The following PHEX variants were observed in gnomAD, a reference collection of about 807,000 sequenced individuals.
PHEX encodes phosphate-regulating neutral endopeptidase PHEX.
PHEX carries 16 observed loss-of-function variants against 68.0 expected under a neutral mutation model. The ratio of observed to expected loss-of-function variants is 0.24; its 90% CI spans 0.16 to 0.36. PHEX has a LOEUF of 0.36. Ranked by LOEUF, PHEX falls within the 10% of genes least tolerant of loss-of-function variation. The pLI is 1.00. For missense variants in PHEX, 480 were observed against 575.5 expected (o/e 0.83, Z 1.70); for synonymous variants, 208 against 205.1 (o/e 1.01, Z -0.12).
intron 3 of PHEX, among the ~76,000 whole-genome samples, chrX:22,057,606 A>G (rs1485511090): frequency 9.1e-6 from 1 of 110,215 alleles, no homozygotes; most frequent in Non-Finnish European, 1.9e-5. Flanking sequence ...AAAAAAAAAG[A>G]AAGTCCCCTA....
intron 6 of PHEX, among the ~76,000 whole-genome samples, chrX:22,093,751 G>C (rs1359677038): frequency 1.8e-5 from 2 of 111,953 alleles, no homozygotes; most frequent in African/African-American, 6.5e-5. Flanking sequence ...TTGCTTGATG[G>C]CTGGACATCT....
At chrX:22,041,209 G>A (rs1927257253) in intron 2 of PHEX, among the ~76,000 whole-genome samples, 1 of 100,751 alleles carries the variant, frequency 9.9e-6, no homozygotes, top group Non-Finnish European at 2.0e-5. Flanking sequence ...AATTATGTTA[G>A]TAGAGTTCTT....
chrX:22,142,526 G>A (rs1932513821), intron 12 of PHEX, among the ~76,000 whole-genome samples: 2 of 111,659 alleles, frequency 1.8e-5, no homozygotes, highest in Non-Finnish European at 3.8e-5. Flanking sequence ...TTGTTTTTTA[G>A]TTTTATTATT....
At chrX:22,182,255 C>T (rs150197489) in intron 14 of PHEX, among the ~76,000 whole-genome samples, 401 of 111,298 alleles carry the variant, frequency 3.6e-3, no homozygotes, top group Non-Finnish European at 5.6e-3. Context: ...CTTCTATATC[C>T]GGTTTTTCGA....
chrX:22,099,158 A>G lies in PHEX; in HGVS notation c.1079+7A>G, dbSNP rs759634976. On this transcript the variant is annotated splice_region_variant and intron_variant, in intron 9 of 21. Transcript: ENST00000379374. ...TAGGGTCTGAGAGAAAGAAGTAAGAACTTTCACATGAATTTTACTGTGACT... is the reference window on the plus strand; with the variant it reads ...TAGGGTCTGAGAGAAAGAAGTAAGAGCTTTCACATGAATTTTACTGTGACT... The G allele has an allele frequency of 8.3e-7, 1 of 1,198,168 alleles. No individual in the cohort carries two copies. Among genetic ancestry groups the G allele is most frequent in the Non-Finnish European group, 1.1e-6 (1 of 883,134 alleles).
At chrX:22,235,850 C>CTGTT (rs1935957749) in intron 20 of PHEX, among the ~76,000 whole-genome samples, 1 of 110,892 alleles carries the variant, frequency 9.0e-6, no homozygotes, top group South Asian at 3.8e-4. Context: ...TTTTTAACCA[C>CTGTT]TGTTATACAT....
At chrX:22,144,365 C>T (rs1932589874) in intron 12 of PHEX, among the ~76,000 whole-genome samples, 1 of 111,437 alleles carries the variant, frequency 9.0e-6, no homozygotes, top group African/African-American at 3.3e-5. Context: ...TTTTATTAAA[C>T]TTTGCCTCTA....
intron 20 of PHEX, among the ~76,000 whole-genome samples, chrX:22,242,768 A>G (rs938419369): frequency 1.8e-5 from 2 of 111,735 alleles, no homozygotes; most frequent in South Asian, 7.5e-4. Flanking sequence ...ACTGCTCAAC[A>G]AAATAAAAAG....
At chrX:22,229,590 T>TG (rs1231222206) in intron 20 of PHEX, among the ~76,000 whole-genome samples, 1 of 112,504 alleles carries the variant, frequency 8.9e-6, no homozygotes, top group Admixed American at 9.3e-5. Context: ...TTGATGAGGT[T>TG]GTTTTTTTCT....
chrX:22,235,590 C>A (rs1471870128), intron 20 of PHEX, among the ~76,000 whole-genome samples: 1 of 111,181 alleles, frequency 9.0e-6, no homozygotes, highest in African/African-American at 3.3e-5. Flanking sequence ...GGGTACTAAT[C>A]CCATTCCTGA....
chrX:22,138,996 A>C (rs1013759755), intron 12 of PHEX, among the ~76,000 whole-genome samples: 2 of 111,817 alleles, frequency 1.8e-5, no homozygotes, highest in African/African-American at 3.3e-5. Context: ...TGGCCTCAAC[A>C]GGAAGTATGG....
intron 15 of PHEX, among the ~76,000 whole-genome samples, chrX:22,211,538 T>G (rs1331815149): frequency 8.9e-6 from 1 of 112,556 alleles, no homozygotes; most frequent in Non-Finnish European, 1.9e-5. Context: ...TGTGCGTATG[T>G]ATTTTGTTCT....
intron 9 of PHEX, among the ~76,000 whole-genome samples, chrX:22,106,792 A>C (rs1253331523): frequency 1.9e-5 from 2 of 108,016 alleles, no homozygotes; most frequent in African/African-American, 6.9e-5. Context: ...AAAAAAAAAA[A>C]AAAACCAAAT....
chrX:22,045,136 G>C lies in PHEX; in HGVS notation c.188-1914G>C, dbSNP rs184328375. Among the ~76,000 whole-genome samples the C allele has an allele frequency of 7.2e-5, 8 of 110,955 alleles. No individual in the cohort carries two copies. In the East Asian group the frequency reaches 2.2e-3, roughly 31 times the overall value. On this transcript the variant is annotated intron_variant, in intron 2 of 21. Transcript: ENST00000379374. ...TTATTCACTTCATTGAAGACAAAAGGCTGTTTGAAATTTTTGTAGAAAGTC... is the reference window on the plus strand; with the variant it reads ...TTATTCACTTCATTGAAGACAAAAGCCTGTTTGAAATTTTTGTAGAAAGTC...
At chrX:22,237,995 T>C (rs1936043084) in intron 20 of PHEX, among the ~76,000 whole-genome samples, 2 of 112,617 alleles carry the variant, frequency 1.8e-5, no homozygotes, top group Admixed American at 9.4e-5. Flanking sequence ...ATCAAGAAGT[T>C]GGGTTTTGGG....
chrX:22,067,841 TA>T (rs996118911), intron 3 of PHEX, among the ~76,000 whole-genome samples: 1 of 109,036 alleles, frequency 9.2e-6, no homozygotes, highest in African/African-American at 3.4e-5. Flanking sequence ...TTTTTTTTTT[TA>T]AATTTTTGAG....
rs767890125 is a variant in PHEX at position 22,125,124 on chromosome X, CATTT to C, written c.1303-8393_1303-8390del. Among the ~76,000 whole-genome samples, 3 of 111,941 alleles carry C rather than the reference CATTT, an allele frequency of 2.7e-5. No homozygotes were observed. In the East Asian group the frequency reaches 8.3e-4, roughly 31 times the overall value. Reference sequence around the variant, plus strand: ...AATATTTCATATTTATTGGTGCATTCATTTATTTAATGTCTGTGTTTCTAGTAAA... The same window carrying C: ...AATATTTCATATTTATTGGTGCATTCATTTAATGTCTGTGTTTCTAGTAAA... On this transcript the variant is annotated intron_variant, in intron 11 of 21. Coordinates refer to ENST00000379374, the MANE Select transcript of PHEX (RefSeq NM_000444.6).
At chrX:22,220,897 G>C (rs942462194) in intron 17 of PHEX, among the ~76,000 whole-genome samples, 2 of 112,357 alleles carry the variant, frequency 1.8e-5, no homozygotes, top group Non-Finnish European at 3.8e-5. Flanking sequence ...AGACAGTCTA[G>C]CAGCATCCAA....
chrX:22,167,041 T>C (rs918011444), intron 12 of PHEX, among the ~76,000 whole-genome samples: 1 of 112,324 alleles, frequency 8.9e-6, no homozygotes, highest in African/African-American at 3.2e-5. Context: ...TTTTAATCCA[T>C]TCCTCTGTTA....
Sources: allele counts gnomAD v4.1 joint callset (sites outside exome capture counted in the v4.1 genomes callset), GRCh38; gene constraint gnomAD v4.1.1; transcripts MANE v1.5; gene names NCBI Gene and HGNC (gene_info 2026-07-23, HGNC 2026-07-21).